BEND7: variants seen among roughly 807,000 people sequenced by gnomAD.
BEND7 encodes BEN domain containing 7.
In BEND7, 28 loss-of-function variants were observed where a neutral mutation model predicts 50.9. The ratio of observed to expected loss-of-function variants is 0.55; its 90% confidence interval spans 0.41 to 0.75. BEND7 has a LOEUF of 0.75. Among genes scored for constraint, BEND7 ranks in the 30% least tolerant of loss-of-function variants. The pLI is 0.00. For missense variants in BEND7, 477 were observed against 491.3 expected, an observed-to-expected ratio of 0.97 and a Z score of 0.28; for synonymous variants, 170 against 183.9, an observed-to-expected ratio of 0.92 and a Z score of 0.61.
At chr10:13,448,486 C>G (rs1274723825) in intron 7 of BEND7, among the ~76,000 whole-genome samples, 1 of 152,184 alleles carries the variant, frequency 6.6e-6, no homozygotes, top group Non-Finnish European at 1.5e-5. Flanking sequence ...GTGCTACGTA[C>G]TTGTTTTTAT....
In BEND7 at chr10:13,474,804, A is replaced by G. The variant is rs143674957; in HGVS notation, c.1063+6095T>C. Among the ~76,000 whole-genome samples, 54 of 152,378 alleles carry G rather than the reference A, an allele frequency of 3.5e-4. 1 individual carries two copies. Among genetic ancestry groups the G allele is most frequent in the African/African-American group, 1.2e-3 (49 of 41,600 alleles). ...TGTTGGACTCGGGTTGATACCCATC[A>G]TCGCTTTTGGACTCTGGTCGATACT... On this transcript the variant is annotated intron_variant, in intron 6 of 8. Coordinates refer to ENST00000466271, the MANE Select transcript of BEND7 (RefSeq NM_001369863.1).
In BEND7 at chr10:13,480,979, G is replaced by A; in HGVS notation, c.983C>T (p.Ser328Phe). ...TCTTTTCCTCTTCCCATTGGGTAAG[G>A]AGTTAGCCAAAGTCTTGTCATCAAA... ...AFFDDKTLAN[S>F]LPNGKRKRGL... Residue 328 changes from serine to phenylalanine, a missense_variant, in exon 6 of 9, where the codon TCC becomes TTC. Ser to Phe is a radical substitution (Grantham distance 155, BLOSUM62 -2). Around this residue, in one of 3 missense-constraint regions of BEND7, gnomAD observed 17 missense variants for 38.6 expected, o/e 0.44. Transcript: ENST00000466271. 6.2e-7 allele frequency: 1 copy of A among 1,614,124 alleles called. No homozygotes were observed. The highest frequency in any genetic ancestry group is 1.1e-5 in the South Asian group (1 of 91,076).
intron 7 of BEND7, among the ~76,000 whole-genome samples, chr10:13,448,959 C>A (rs1411673433): frequency 1.5e-5 from 2 of 133,066 alleles, no homozygotes; most frequent in Admixed American, 8.7e-5. Flanking sequence ...GGCGACAGAG[C>A]GAGACTCCAT....
intron 3 of BEND7, among the ~76,000 whole-genome samples, chr10:13,498,155 A>G (rs1166569641): frequency 6.8e-6 from 1 of 146,258 alleles, no homozygotes; most frequent in Admixed American, 7.0e-5. Flanking sequence ...GGTTCACTGC[A>G]ACCCCTGCCT....
chr10:13,472,025 C>T (rs957302385), intron 6 of BEND7, among the ~76,000 whole-genome samples: 8 of 151,112 alleles, frequency 5.3e-5, no homozygotes, highest in South Asian at 2.1e-4. Context: ...CTGTTAGACT[C>T]GGGGTCGATA....
intron 3 of BEND7, among the ~76,000 whole-genome samples, chr10:13,499,184 ATTCTT>A (rs2077255318): frequency 6.6e-6 from 1 of 152,188 alleles, no homozygotes; most frequent in Non-Finnish European, 1.5e-5. Flanking sequence ...TTGTCATTTG[ATTCTT>A]TTCTTAACAA....
chr10:13,498,322 T>C (rs889709229), intron 3 of BEND7, among the ~76,000 whole-genome samples: 5 of 152,080 alleles, frequency 3.3e-5, no homozygotes, highest in African/African-American at 1.2e-4. Flanking sequence ...AGCAATCCAC[T>C]CATCTCGGCC....
intron 6 of BEND7, among the ~76,000 whole-genome samples, chr10:13,463,317 G>C (rs1168942161): frequency 6.6e-6 from 1 of 152,168 alleles, no homozygotes; most frequent in African/African-American, 2.4e-5. Context: ...AAACAACACA[G>C]AGGCAAAGAA....
At chr10:13,514,233 T>C (rs895444671) in intron 2 of BEND7, among the ~76,000 whole-genome samples, 2 of 152,182 alleles carry the variant, frequency 1.3e-5, no homozygotes, top group African/African-American at 4.8e-5. Context: ...CTTCAATAAA[T>C]ATCTACAATA....
At chr10:13,479,727 C>A (rs1480570218) in intron 6 of BEND7, among the ~76,000 whole-genome samples, 1 of 152,144 alleles carries the variant, frequency 6.6e-6, no homozygotes, top group Admixed American at 6.5e-5. Context: ...TGTAGCTTTT[C>A]ATATTTAATA....
intron 5 of BEND7, among the ~76,000 whole-genome samples, chr10:13,482,788 G>A (rs965020947): frequency 1.3e-5 from 2 of 152,198 alleles, no homozygotes; most frequent in African/African-American, 4.8e-5. Flanking sequence ...GCTGGTTCCA[G>A]GTCTCCAGAG....
At chr10:13,449,643 A>G (rs1055992176) in intron 7 of BEND7, among the ~76,000 whole-genome samples, 14 of 152,236 alleles carry the variant, frequency 9.2e-5, no homozygotes, top group Admixed American at 5.2e-4. Flanking sequence ...CTTTACATGT[A>G]TAATTGCTTT....
intron 3 of BEND7, among the ~76,000 whole-genome samples, chr10:13,499,492 T>A (rs1324222919): frequency 6.6e-6 from 1 of 152,146 alleles, no homozygotes; most frequent in Non-Finnish European, 1.5e-5. Flanking sequence ...GACAATAATA[T>A]CCATACATGG....
At chr10:13,444,414 A>C (rs1835852446) in intron 8 of BEND7, 1 of 152,224 alleles carries the variant, frequency 6.6e-6, no homozygotes, top group African/African-American at 2.4e-5. Context: ...AGAAACACTT[A>C]AGCATTTACA....
chr10:13,492,494 CT>C, intron 5 of BEND7, 116 bp downstream of exon 5: 1 of 1,304,702 alleles, frequency 7.7e-7, no homozygotes, highest in Non-Finnish European at 1.0e-6. Context: ...TTCTTTTCTT[CT>C]TTCCCACATA....
intron 6 of BEND7, among the ~76,000 whole-genome samples, chr10:13,474,234 T>TA (rs1184383977): frequency 3.3e-5 from 5 of 152,168 alleles, no homozygotes; most frequent in Non-Finnish European, 7.4e-5. Flanking sequence ...TCATCGCTGT[T>TA]AGACTCGGGG....
intron 6 of BEND7, among the ~76,000 whole-genome samples, chr10:13,473,573 T>C (rs1233717610): frequency 1.5e-4 from 17 of 112,666 alleles, no homozygotes; most frequent in Admixed American, 1.0e-4. Context: ...AGGGCCAATA[T>C]TGTCATCGCT....
intron 6 of BEND7, among the ~76,000 whole-genome samples, chr10:13,459,019 C>T (rs1384308080): frequency 1.3e-5 from 2 of 152,202 alleles, no homozygotes; most frequent in Admixed American, 1.3e-4. Context: ...AAATGACTGG[C>T]CTGAGACTGC....
intron 1 of BEND7, among the ~76,000 whole-genome samples, chr10:13,527,477 G>A (rs1012993606): frequency 5.9e-5 from 9 of 152,252 alleles, no homozygotes; most frequent in Non-Finnish European, 1.3e-4. Context: ...CAGTTTACAC[G>A]TGACTTCTGC....
Sources: gnomAD v4.1 joint callset for allele counts (sites outside exome capture counted in the v4.1 genomes callset) on GRCh38, gnomAD v4.1.1 for gene constraint, gnomAD v4.1.1 regional missense constraint, MANE v1.5 for transcripts, NCBI Gene and HGNC (gene_info 2026-07-23, HGNC 2026-07-21) for gene names.